Variants in RUNX1 observed in about 807,000 individuals in gnomAD.
The protein encoded by RUNX1 is runt-related transcription factor 1.
In RUNX1, 19 loss-of-function variants were observed where a neutral mutation model predicts 42.8. The observed-to-expected ratio is 0.44, with a 90% CI of 0.31 to 0.65. The LOEUF (loss-of-function observed/expected upper bound fraction) is 0.65. RUNX1 is among the 30% of genes least tolerant of loss of function. The probability of loss-of-function intolerance (pLI) is 0.07; values close to 1 mark genes in which losing one functional copy is unlikely to be tolerated. For missense variants in RUNX1, 528 were observed against 672.0 expected (o/e 0.79, Z 2.37); for synonymous variants, 271 against 289.4 (o/e 0.94, Z 0.64).
chr21:35,040,816 C>T (rs1035434199), intron 2 of RUNX1, among the ~76,000 whole-genome samples: 6 of 148,166 alleles, frequency 4.0e-5, no homozygotes, highest in African/African-American at 1.5e-4. Context: ...AACTCACCCA[C>T]AATGGAATGT....
At chr21:34,982,334 T>C (rs777372577) in intron 2 of RUNX1, among the ~76,000 whole-genome samples, 26 of 151,956 alleles carry the variant, frequency 1.7e-4, no homozygotes, top group Admixed American at 1.4e-3. Context: ...TTGTTGTTGA[T>C]GAAGGGGTAG....
At chr21:34,821,866 T>C (rs1765779668) in intron 7 of RUNX1, among the ~76,000 whole-genome samples, 2 of 152,238 alleles carry the variant, frequency 1.3e-5, no homozygotes, top group Non-Finnish European at 2.9e-5. Context: ...TTCCACTGAA[T>C]TGGCCATCAG....
At chr21:34,925,143 C>A (rs1368485932) in intron 2 of RUNX1, among the ~76,000 whole-genome samples, 1 of 152,162 alleles carries the variant, frequency 6.6e-6, no homozygotes. Context: ...AAACTCTTCC[C>A]AAACTATGTT....
rs76185840 is a variant in RUNX1 at position 34,796,103 on chromosome 21, G to A, written c.967+3198C>T. ...AGTTACTGGAATCCAGAGTGAGTCC[G>A]TGATTTGTCATGGACATAAGTACTG... On this transcript the variant is annotated intron_variant, in intron 8 of 8. Coordinates refer to ENST00000675419, the MANE Select transcript of RUNX1 (RefSeq NM_001754.5). 1.8e-3 allele frequency among the ~76,000 whole-genome samples: 267 copies of A among 152,324 alleles called. 2 individuals carry two copies. Among genetic ancestry groups the A allele is most frequent in the African/African-American group, 6.0e-3 (248 of 41,570 alleles).
chr21:34,816,928 G>C (rs937555611), intron 7 of RUNX1, among the ~76,000 whole-genome samples: 6 of 152,210 alleles, frequency 3.9e-5, no homozygotes, highest in Admixed American at 2.6e-4. Context: ...GGCATGGCTA[G>C]AGAAGGAGAC....
chr21:34,799,160 G>A (rs2056572401), intron 8 of RUNX1, 141 bp downstream of exon 8: 2 of 866,118 alleles, frequency 2.3e-6, no homozygotes, highest in East Asian at 2.5e-5. Context: ...CAGTGCATGG[G>A]CATGGGACTC....
At chr21:35,047,111 A>G (rs1568813709) in intron 2 of RUNX1, among the ~76,000 whole-genome samples, 1 of 152,050 alleles carries the variant, frequency 6.6e-6, no homozygotes, top group African/African-American at 2.4e-5. Flanking sequence ...AACCCAACCT[A>G]TTGCTCAATG....
chr21:34,937,364 G>A (rs1005596135), intron 2 of RUNX1, among the ~76,000 whole-genome samples: 1 of 150,036 alleles, frequency 6.7e-6, no homozygotes, highest in African/African-American at 2.4e-5. Context: ...TGTTGAGCTG[G>A]AACTCCTCCA....
At chr21:34,856,229 C>T (rs532471653) in intron 6 of RUNX1, 85 of 427,152 alleles carry the variant, frequency 2.0e-4, no homozygotes, top group African/African-American at 1.6e-3. Context: ...AGCGGAATGG[C>T]AGGTTGAATG....
rs146068152 is a variant in RUNX1 at position 34,984,840 on chromosome 21, G to A, written c.58+64002C>T. Among the ~76,000 whole-genome samples the A allele has an allele frequency of 4.6e-5, 7 of 152,322 alleles. No homozygotes were observed. In the East Asian group the frequency reaches 1.4e-3, roughly 29 times the overall value. On this transcript the variant is annotated intron_variant, in intron 2 of 8. Transcript: ENST00000675419. Reference sequence around the variant, plus strand: ...TGAAGATGCAGATAGACCCCGTCATGTGAAGGAAGGAAGTGATCAGGTACT... The same window carrying A: ...TGAAGATGCAGATAGACCCCGTCATATGAAGGAAGGAAGTGATCAGGTACT...
At chr21:34,814,491 C>G (rs2056798882) in intron 7 of RUNX1, among the ~76,000 whole-genome samples, 1 of 152,198 alleles carries the variant, frequency 6.6e-6, no homozygotes, top group South Asian at 2.1e-4. Flanking sequence ...ACTAGCATCA[C>G]TTAAAATAAT....
intron 2 of RUNX1, among the ~76,000 whole-genome samples, chr21:34,931,892 GTA>G (rs2058450210): frequency 1.3e-5 from 2 of 152,114 alleles, no homozygotes; most frequent in African/African-American, 4.8e-5. Flanking sequence ...TGAGAAGTCT[GTA>G]CTGAATTCCT....
At chr21:34,825,380 C>T (rs971815263) in intron 7 of RUNX1, among the ~76,000 whole-genome samples, 1 of 152,146 alleles carries the variant, frequency 6.6e-6, no homozygotes, top group Non-Finnish European at 1.5e-5. Flanking sequence ...ACTGTCAGGA[C>T]CTCTGATTCC....
At chr21:34,934,998 T>C (rs2058474861) in intron 2 of RUNX1, among the ~76,000 whole-genome samples, 1 of 152,220 alleles carries the variant, frequency 6.6e-6, no homozygotes, top group African/African-American at 2.4e-5. Context: ...TTTTTCATGT[T>C]TTTGATTCTG....
chr21:34,840,342 C>T (rs1186731376), intron 6 of RUNX1, among the ~76,000 whole-genome samples: 1 of 152,200 alleles, frequency 6.6e-6, no homozygotes, highest in African/African-American at 2.4e-5. Context: ...AACGTGAATG[C>T]TAGAGTAGGC....
At position 35,048,900 on chromosome 21, in the gene RUNX1, C is replaced by T. The variant is rs756084869; in HGVS notation, c.-1G>A. 16 of 1,613,776 alleles carry T rather than the reference C, an allele frequency of 9.9e-6. No individual in the cohort carries two copies. The highest frequency in any genetic ancestry group is 2.2e-5 in the East Asian group (1 of 44,870). ...ACTCAAATATGCTGTCTGAAGCCATCGCTTCCTCCTGAAAATGCACCCTCT... is the reference window on the plus strand; with the variant it reads ...ACTCAAATATGCTGTCTGAAGCCATTGCTTCCTCCTGAAAATGCACCCTCT... On this transcript the variant is annotated 5_prime_UTR_variant, in exon 2 of 9. Transcript: ENST00000675419.
Position 34,910,563 on chromosome 21 carries a change from C to T in RUNX1, c.59-17600G>A, listed in dbSNP as rs114295813. Among the ~76,000 whole-genome samples the T allele has an allele frequency of 6.4e-3, 980 of 152,264 alleles. 7 individuals are homozygous for T. The highest frequency in any genetic ancestry group is 0.022 in the African/African-American group (922 of 41,538). On this transcript the variant is annotated intron_variant, in intron 2 of 8. Transcript: ENST00000675419. ...GACATGAGGGTGAGACAGAAAGCCT[C>T]GCTCTTCCCCAGTGAAACCCTGCAA...
chr21:34,912,541 G>A (rs915505070), intron 2 of RUNX1, among the ~76,000 whole-genome samples: 2 of 152,098 alleles, frequency 1.3e-5, no homozygotes, highest in South Asian at 4.2e-4. Context: ...TTCTCATTCC[G>A]ATGGAAAACA....
At chr21:34,880,377 TAG>T (rs1184007335) in intron 5 of RUNX1, among the ~76,000 whole-genome samples, 178 bp downstream of exon 5, 3 of 152,188 alleles carry the variant, frequency 2.0e-5, no homozygotes, top group African/African-American at 7.2e-5. Flanking sequence ...AGCAATAATA[TAG>T]AGATTCTGCT....
Sources: gnomAD v4.1 joint callset for allele counts (sites outside exome capture counted in the v4.1 genomes callset) on GRCh38, gnomAD v4.1.1 for gene constraint, MANE v1.5 for transcripts, NCBI Gene and HGNC (gene_info 2026-07-23, HGNC 2026-07-21) for gene names.